The following COL4A4 variants were observed in gnomAD, a reference collection of about 807,000 sequenced individuals.
COL4A4 encodes the protein collagen alpha-4(IV) chain.
COL4A4 carries 105 observed loss-of-function variants against 192.9 expected under a neutral mutation model. That is an observed-to-expected ratio of 0.54 (90% CI 0.46 to 0.64). The LOEUF (loss-of-function observed/expected upper bound fraction) is 0.64, where lower values mean the gene tolerates loss of function less well. COL4A4 is among the 30% of genes least tolerant of loss of function. The probability of loss-of-function intolerance (pLI) is 0.00; values close to 1 mark genes in which losing one functional copy is unlikely to be tolerated. For missense variants in COL4A4, 1,967 were observed against 2,169.3 expected (o/e 0.91, Z 1.85); for synonymous variants, 762 against 769.9 (o/e 0.99, Z 0.17).
intron 20 of COL4A4, among the ~76,000 whole-genome samples, chr2:227,093,804 A>C (rs184170506): frequency 5.9e-5 from 9 of 152,262 alleles, no homozygotes; most frequent in Admixed American, 2.6e-4. Context: ...CTCCCTGGGC[A>C]GTGGGCAAAA....
chr2:227,008,066 T>TG lies in COL4A4; in HGVS notation c.4760dup (p.Cys1588MetfsTer46), dbSNP rs1206142672. 6.2e-7 allele frequency: 1 copy of TG among 1,613,784 alleles called. No individual in the cohort carries two copies. Among genetic ancestry groups the TG allele is most frequent in the African/African-American group, 1.3e-5 (1 of 74,924 alleles). Reference sequence around the variant, plus strand: ...AGAGGCTCCTCCAGGTCTGCGGACATGGGGGGATGGACTGGTCCTGGCTGT... The same window carrying TG: ...AGAGGCTCCTCCAGGTCTGCGGACATGGGGGGGATGGACTGGTCCTGGCTGT... On this transcript the variant is annotated frameshift_variant, in exon 47 of 48. Transcript: ENST00000396625. LOFTEE classifies it high-confidence loss of function.
chr2:227,162,921 G>T (rs1209201328), intron 1 of COL4A4, among the ~76,000 whole-genome samples: 1 of 152,222 alleles, frequency 6.6e-6, no homozygotes, highest in African/African-American at 2.4e-5. Context: ...AATGGGAGGA[G>T]TGTCTTCATT....
chr2:227,002,528 G>A (rs531793309), downstream of COL4A4, among the ~76,000 whole-genome samples: 15 of 152,194 alleles, frequency 9.9e-5, no homozygotes, highest in South Asian at 1.0e-3. Flanking sequence ...TCTCTTCTGC[G>A]CGCCATCACT....
At chr2:227,065,389 G>A (rs982858778) in intron 25 of COL4A4, among the ~76,000 whole-genome samples, 6 of 152,242 alleles carry the variant, frequency 3.9e-5, no homozygotes, top group African/African-American at 1.4e-4. Context: ...AGCTCAAGGA[G>A]GCCTGCCTGC....
Position 227,041,781 on chromosome 2 carries a change from AGG to A in COL4A4, c.3505+365_3505+366del, listed in dbSNP as rs1559476146. The stretch of plus-strand genomic sequence containing the variant: ...AAGGAAGGAAGGAAGGAAGGAAGGA[AGG>A]AAGGGAAAGAAAGAAAGAAAGGAAG... On this transcript the variant is annotated intron_variant, in intron 37 of 47. Transcript: ENST00000396625. Among the ~76,000 whole-genome samples the A allele has an allele frequency of 6.5e-3, 544 of 84,328 alleles. 35 individuals are homozygous for A. Among genetic ancestry groups the A allele is most frequent in the African/African-American group, 9.5e-3 (227 of 23,938 alleles). The allele number at this position is 84,328 out of a possible 152,430, so 55.3% of individuals were successfully genotyped here. A position where few individuals can be genotyped will look rare whatever the true frequency, so the allele number is the denominator to read the frequency against.
intron 1 of COL4A4, among the ~76,000 whole-genome samples, chr2:227,161,105 AGT>A (rs1230699289): frequency 6.6e-6 from 1 of 152,262 alleles, no homozygotes; most frequent in African/African-American, 2.4e-5. Flanking sequence ...AACCAGACTA[AGT>A]GTGAATGCTG....
chr2:227,154,069 A>T (rs1574248), intron 1 of COL4A4, among the ~76,000 whole-genome samples: 2 of 152,020 alleles, frequency 1.3e-5, no homozygotes, highest in African/African-American at 2.4e-5. Context: ...GGGCCTTTGA[A>T]GTCCACCTTG....
chr2:227,153,365 C>G (rs1403069598), intron 1 of COL4A4, among the ~76,000 whole-genome samples: 2 of 152,156 alleles, frequency 1.3e-5, no homozygotes, highest in Non-Finnish European at 2.9e-5. Flanking sequence ...AGGTGCTGTG[C>G]CTTTTAAAGG....
intron 44 of COL4A4, among the ~76,000 whole-genome samples, chr2:227,015,838 A>G (rs13393902): frequency 0.48 from 72,804 of 151,814 alleles, 17,825 homozygotes; most frequent in African/African-American, 0.58. Context: ...GTTTGCCAAC[A>G]AGTATGCCTA....
intron 1 of COL4A4, 81 bp from the exon 2 acceptor site, chr2:227,147,665 G>T: frequency 1.8e-6 from 1 of 569,990 alleles, no homozygotes; most frequent in Admixed American, 2.7e-5. Context: ...TTATCGTTAT[G>T]GAAATATTTT....
At chr2:227,043,256 C>T (rs1971815027) in intron 35 of COL4A4, 72 bp from the exon 36 acceptor site, 4 of 1,227,154 alleles carry the variant, frequency 3.3e-6, no homozygotes, top group Non-Finnish European at 4.8e-6. Context: ...CAAGTTCAGC[C>T]CACCCTATTC....
chr2:226,993,477 A>T, the COL4A4 span, among the ~76,000 whole-genome samples: 149 of 152,388 alleles, frequency 9.8e-4, 1 homozygote, highest in African/African-American at 3.4e-3. Context: ...GGATCTCATC[A>T]TATAAAACAG....
chr2:227,042,986 T>A (rs750905165), intron 36 of COL4A4, 91 bp downstream of exon 36: 22 of 940,408 alleles, frequency 2.3e-5, no homozygotes, highest in Admixed American at 9.7e-5. Context: ...GAGCCATATC[T>A]GAATTTAGGT....
intron 19 of COL4A4, among the ~76,000 whole-genome samples, chr2:227,098,221 T>C (rs1559616084): frequency 1.3e-5 from 2 of 152,208 alleles, no homozygotes; most frequent in African/African-American, 4.8e-5. Flanking sequence ...GTGAATGTAC[T>C]AAATTTTACA....
At chr2:226,994,171 C>T in the COL4A4 span, among the ~76,000 whole-genome samples, 6 of 152,210 alleles carry the variant, frequency 3.9e-5, no homozygotes, top group Non-Finnish European at 8.8e-5. Context: ...CCTCACTGGG[C>T]AGCATTGGAA....
chr2:227,113,814 C>A (rs1277203446), intron 8 of COL4A4, among the ~76,000 whole-genome samples: 1 of 152,214 alleles, frequency 6.6e-6, no homozygotes, highest in African/African-American at 2.4e-5. Context: ...CTGCGTGGCA[C>A]AGAACCTAGG....
rs2060338532 is a variant in COL4A4 at position 227,098,684 on chromosome 2, G to A, written c.1204+10C>T. The A allele has an allele frequency of 6.2e-7, 1 of 1,609,128 alleles. No homozygotes were observed. The highest frequency in any genetic ancestry group is 8.5e-7 in the Non-Finnish European group (1 of 1,175,564). ...CCTGTAAAAGCCAGGGCACATCAGG[G>A]CATCCGTACCTGCACAGGCTTCCCC... On this transcript the variant is annotated intron_variant, in intron 19 of 47. Transcript: ENST00000396625.
At chr2:226,972,837 T>A in the COL4A4 span, among the ~76,000 whole-genome samples, 2 of 151,806 alleles carry the variant, frequency 1.3e-5, no homozygotes, top group Admixed American at 6.6e-5. Context: ...TTTGGTTGGG[T>A]TATAGGTAAG....
intron 7 of COL4A4, 112 bp downstream of exon 7, chr2:227,118,533 C>A (rs2061608094): frequency 1.2e-6 from 1 of 848,920 alleles, no homozygotes; most frequent in East Asian, 2.4e-5. Flanking sequence ...CATTTGTTGA[C>A]AATGCTCCAG....
Sources: allele counts gnomAD v4.1 joint callset (sites outside exome capture counted in the v4.1 genomes callset), GRCh38; gene constraint gnomAD v4.1.1; transcripts MANE v1.5; gene names NCBI Gene and HGNC (gene_info 2026-07-23, HGNC 2026-07-21).